The following FHIP1A variants were observed in gnomAD, a reference collection of about 807,000 sequenced individuals.
The protein encoded by FHIP1A is FHF complex subunit HOOK-interacting protein 1A.
Under a neutral mutation model 88.6 loss-of-function variants are expected in FHIP1A, and 61 were observed. That is an observed-to-expected ratio of 0.69 (90% confidence interval 0.56 to 0.85). The LOEUF (loss-of-function observed/expected upper bound fraction) is 0.85, where lower values mean the gene tolerates loss of function less well. Ranked by LOEUF, FHIP1A falls within the 40% of genes least tolerant of loss-of-function variation. FHIP1A has a pLI of 0.00. For missense variants in FHIP1A, 1,154 were observed against 1,273.5 expected (o/e 0.91, Z 1.43); for synonymous variants, 478 against 496.0 (o/e 0.96, Z 0.48).
At chr4:151,639,041 G>A (rs1479478172) in intron 9 of FHIP1A, among the ~76,000 whole-genome samples, 2 of 152,178 alleles carry the variant, frequency 1.3e-5, no homozygotes, top group Non-Finnish European at 2.9e-5. Flanking sequence ...AAAATGTTCA[G>A]AAGTATTATA....
At chr4:151,512,446 GA>G (rs1731074643) in intron 3 of FHIP1A, among the ~76,000 whole-genome samples, 1 of 152,258 alleles carries the variant, frequency 6.6e-6, no homozygotes, top group African/African-American at 2.4e-5. Context: ...AACAAAGCTG[GA>G]CGGAGAATGA....
intron 2 of FHIP1A, among the ~76,000 whole-genome samples, chr4:151,459,903 G>T (rs577411094): frequency 6.6e-6 from 1 of 152,082 alleles, no homozygotes; most frequent in African/African-American, 2.4e-5. Flanking sequence ...CATACACTTG[G>T]AATTCAGCTT....
At chr4:151,462,031 G>A (rs188206145) in intron 2 of FHIP1A, among the ~76,000 whole-genome samples, 1 of 152,250 alleles carries the variant, frequency 6.6e-6, no homozygotes, top group East Asian at 1.9e-4. Context: ...GCATGGTGGT[G>A]CATGCCTATA....
At chr4:151,541,934 A>G (rs1334124883) in intron 3 of FHIP1A, among the ~76,000 whole-genome samples, 4 of 152,276 alleles carry the variant, frequency 2.6e-5, no homozygotes, top group African/African-American at 4.8e-5. Context: ...TGAGACAGCC[A>G]AGTAAAAAGG....
At chr4:151,642,503 C>T (rs1055583741) in intron 9 of FHIP1A, among the ~76,000 whole-genome samples, 1 of 152,114 alleles carries the variant, frequency 6.6e-6, no homozygotes, top group Non-Finnish European at 1.5e-5. Context: ...TAAAGCCTGC[C>T]AGCCTAGGGG....
intron 3 of FHIP1A, among the ~76,000 whole-genome samples, chr4:151,517,349 C>G (rs997620347): frequency 2.6e-5 from 4 of 151,840 alleles, no homozygotes; most frequent in Non-Finnish European, 4.4e-5. Context: ...ATACCTAATG[C>G]TAAATGATGA....
chr4:151,543,675 T>C (rs1000130561), intron 3 of FHIP1A, among the ~76,000 whole-genome samples: 33 of 152,200 alleles, frequency 2.2e-4, no homozygotes, highest in African/African-American at 8.0e-4. Flanking sequence ...ATTTTGCATC[T>C]TGCTTTTTTT....
In FHIP1A at chr4:151,519,627, A is replaced by G. The variant is rs543710325; in HGVS notation, c.-123+36979A>G. On this transcript the variant is annotated intron_variant, in intron 3 of 13. Transcript: ENST00000435205. Reference sequence around the variant, plus strand: ...TATATATACACATCCACATTTATATATGTGTGTTTATATTTCTATATCTGT... The same window carrying G: ...TATATATACACATCCACATTTATATGTGTGTGTTTATATTTCTATATCTGT... Among the ~76,000 whole-genome samples the G allele has an allele frequency of 6.6e-5, 10 of 152,140 alleles. No homozygotes were observed. The South Asian group carries it at 2.1e-3, about 32-fold the overall frequency.
chr4:151,573,252 A>G (rs1733660192), intron 4 of FHIP1A, among the ~76,000 whole-genome samples: 1 of 151,970 alleles, frequency 6.6e-6, no homozygotes, highest in African/African-American at 2.4e-5. Flanking sequence ...ATATGTGATC[A>G]AGGCTAATGA....
chr4:151,453,519 A>G (rs139911644), intron 1 of FHIP1A, among the ~76,000 whole-genome samples: 3 of 152,340 alleles, frequency 2.0e-5, no homozygotes, highest in African/African-American at 7.2e-5. Flanking sequence ...CATTAAATTC[A>G]TGTAACACAT....
At chr4:151,632,432 G>T (rs967335014) in intron 8 of FHIP1A, among the ~76,000 whole-genome samples, 1 of 151,864 alleles carries the variant, frequency 6.6e-6, no homozygotes, top group African/African-American at 2.4e-5. Context: ...AAAAATATCA[G>T]ACAGAAGATA....
chr4:151,466,255 C>T (rs1305020505), intron 2 of FHIP1A, among the ~76,000 whole-genome samples: 1 of 152,080 alleles, frequency 6.6e-6, no homozygotes, highest in Admixed American at 6.6e-5. Flanking sequence ...AATAAAATAG[C>T]TAGGAGTACA....
intron 13 of FHIP1A, among the ~76,000 whole-genome samples, chr4:151,661,140 G>A (rs1285034855): frequency 2.6e-5 from 4 of 152,148 alleles, no homozygotes; most frequent in Non-Finnish European, 5.9e-5. Context: ...CCATTGGAAC[G>A]CAGGCCAGCT....
At position 151,663,373 on chromosome 4, in the gene FHIP1A, A is replaced by G. The variant is rs948231902; in HGVS notation, c.*619A>G. ...CTCAGCTATCTGCCTGGGAAGTCGG[A>G]TGTCCTTGGAGAGAATTTGGAATGC... On this transcript the variant is annotated 3_prime_UTR_variant, in exon 14 of 14. Transcript: ENST00000435205. 6.6e-6 allele frequency: 1 copy of G among 152,184 alleles called. No individual in the cohort carries two copies. The highest frequency in any genetic ancestry group is 1.5e-5 in the Non-Finnish European group (1 of 68,040). The allele number at this position is 152,184 out of a possible 1,614,324, so 9.4% of individuals were successfully genotyped here.
At chr4:151,654,102 A>G (rs1228495283) in intron 11 of FHIP1A, among the ~76,000 whole-genome samples, 2 of 151,656 alleles carry the variant, frequency 1.3e-5, no homozygotes, top group East Asian at 3.9e-4. Flanking sequence ...CTAGAAACTA[A>G]GAATAAAGTA....
At chr4:151,413,555 AG>A (rs1460399056) in intron 1 of FHIP1A, among the ~76,000 whole-genome samples, 1 of 152,102 alleles carries the variant, frequency 6.6e-6, no homozygotes, top group East Asian at 1.9e-4. Context: ...CTTGGGTTCA[AG>A]CCATTCTCCT....
chr4:151,624,198 T>C (rs998980891), intron 7 of FHIP1A, among the ~76,000 whole-genome samples: 2 of 152,162 alleles, frequency 1.3e-5, no homozygotes, highest in Non-Finnish European at 2.9e-5. Context: ...AGAAAAACAA[T>C]CAACCAAATC....
At chr4:151,555,707 A>T (rs939997806) in intron 3 of FHIP1A, among the ~76,000 whole-genome samples, 2 of 152,164 alleles carry the variant, frequency 1.3e-5, no homozygotes, top group Non-Finnish European at 2.9e-5. Flanking sequence ...TGTTGTAGGT[A>T]GTTTAACCCA....
At chr4:151,458,617 A>G (rs530397183) in intron 2 of FHIP1A, among the ~76,000 whole-genome samples, 1 of 152,240 alleles carries the variant, frequency 6.6e-6, no homozygotes. Context: ...AGTAAGGTCT[A>G]CTGGAATATT....
Sources: gnomAD v4.1 joint callset for allele counts (sites outside exome capture counted in the v4.1 genomes callset) on GRCh38, gnomAD v4.1.1 for gene constraint, MANE v1.5 for transcripts, NCBI Gene and HGNC (gene_info 2026-07-23, HGNC 2026-07-21) for gene names.